RAI1: variants seen among roughly 807,000 people sequenced by gnomAD.
RAI1 encodes retinoic acid-induced protein 1.
In RAI1, 9 loss-of-function variants were observed where a neutral mutation model predicts 123.8. The observed-to-expected ratio is 0.07, with a 90% CI of 0.04 to 0.13. The LOEUF (loss-of-function observed/expected upper bound fraction) is 0.13. Ranked by LOEUF, RAI1 falls within the 10% of genes least tolerant of loss-of-function variation. The pLI is 1.00. For synonymous variants in RAI1, 1,231 were observed against 1,127.3 expected (o/e 1.09, Z -1.84); for missense variants, 2,256 against 2,545.8 (o/e 0.89, Z 2.45).
chr17:17,737,708 G>A, intron 2 of RAI1, among the ~76,000 whole-genome samples: 1 of 152,182 alleles, frequency 6.6e-6, no homozygotes, highest in East Asian at 1.9e-4. Flanking sequence ...TATTGCAGCA[G>A]ACAGATGGAG....
intron 1 of RAI1, 126 bp downstream of exon 1, chr17:17,681,919 C>G (rs1165781319): frequency 4.4e-6 from 1 of 226,266 alleles, no homozygotes; most frequent in African/African-American, 2.4e-5. Context: ...AGCGCGCGCG[C>G]TGGGTGGAGA....
chr17:17,687,327 T>C (rs1914676108), intron 1 of RAI1, among the ~76,000 whole-genome samples: 1 of 152,162 alleles, frequency 6.6e-6, no homozygotes. Flanking sequence ...CTTTCCTCTC[T>C]GGCCTCGGTC....
chr17:17,718,095 G>A (rs531952521), intron 1 of RAI1, among the ~76,000 whole-genome samples: 2 of 152,234 alleles, frequency 1.3e-5, no homozygotes, highest in Non-Finnish European at 2.9e-5. Flanking sequence ...GCAGACCCCA[G>A]CCCAGGGCAG....
rs1475568917 is a variant in RAI1, at chr17:17,795,709, T to C, written c.2761T>C (p.Ser921Pro). ...KAGWGSPCHL[S>P]GESVILLGPT... ...CGGCTGGGGCTCTCCGTGCCACCTC[T>C]CAGGGGAGTCCGTCATCCTGCTGGG... The change falls in exon 3 of 6, where the codon TCA (serine) becomes CCA (proline). Residue 921 changes from serine (S) to proline (P), a missense_variant. Around this residue, in one of 7 missense-constraint regions of RAI1, gnomAD observed 566 missense variants for 616.0 expected, o/e 0.92. Coordinates refer to ENST00000353383, the MANE Select transcript of RAI1 (RefSeq NM_030665.4). The surrounding 1 kb of genome is among the most constrained non-coding windows in gnomAD (Gnocchi z 5.9). The C allele has an allele frequency of 6.2e-7, 1 of 1,613,214 alleles. No homozygotes were observed. The highest frequency in any genetic ancestry group is 1.3e-5 in the African/African-American group (1 of 74,910).
chr17:17,714,010 G>A lies in RAI1; in HGVS notation c.-148-10018G>A, dbSNP rs1266497393. Among the ~76,000 whole-genome samples the A allele has an allele frequency of 6.6e-6, 1 of 152,104 alleles. No individual in the cohort carries two copies. The highest frequency in any genetic ancestry group is 1.5e-5 in the Non-Finnish European group (1 of 68,016). ...CCAGAGATCCCAGCGGCCCTCCCCTGGAGAGTGTCCCAGCCGCCCACGATG... is the reference window on the plus strand; with the variant it reads ...CCAGAGATCCCAGCGGCCCTCCCCTAGAGAGTGTCCCAGCCGCCCACGATG... On this transcript the variant is annotated intron_variant, in intron 1 of 5. Transcript: ENST00000353383. The surrounding 1 kb of genome is among the most constrained non-coding windows in gnomAD (Gnocchi z 4.9).
intron 1 of RAI1, among the ~76,000 whole-genome samples, chr17:17,700,188 A>G (rs1567830466): frequency 6.6e-6 from 1 of 152,204 alleles, no homozygotes; most frequent in Non-Finnish European, 1.5e-5. Context: ...GGGAAAGCAC[A>G]TCTGCTCTCT....
At chr17:17,792,219 T>C (rs1434073449) in intron 2 of RAI1, among the ~76,000 whole-genome samples, 1 of 152,180 alleles carries the variant, frequency 6.6e-6, no homozygotes, top group Non-Finnish European at 1.5e-5. Flanking sequence ...ACATTTTATG[T>C]CTACAGTGGC....
At chr17:17,705,504 C>G (rs1047385392) in intron 1 of RAI1, among the ~76,000 whole-genome samples, 3 of 152,090 alleles carry the variant, frequency 2.0e-5, no homozygotes, top group Non-Finnish European at 2.9e-5. Context: ...TGAGATCGTG[C>G]CATTGCACTC....
At position 17,793,434 on chromosome 17, in the gene RAI1, C is replaced by T. The variant is rs748628863; in HGVS notation, c.486C>T (p.Ala162=). 49 of 1,613,330 alleles carry T rather than the reference C, an allele frequency of 3.0e-5. No individual in the cohort carries two copies. In the South Asian group the frequency reaches 5.2e-4, roughly 17 times the overall value. The change falls in exon 3 of 6, where the codon GCC becomes GCT. Residue 162 remains alanine (A), a synonymous_variant. Transcript: ENST00000353383. ...GCAGGCAGTATGCAGAGCAGGGCGCCCAGGTGCCCTTTCGGACTCACTCCC... is the reference window on the plus strand; with the variant it reads ...GCAGGCAGTATGCAGAGCAGGGCGCTCAGGTGCCCTTTCGGACTCACTCCC... The part of the protein sequence containing the change: ...PPSRQYAEQG[A]QVPFRTHSLH...
intron 1 of RAI1, among the ~76,000 whole-genome samples, chr17:17,721,195 G>C (rs542167084): frequency 1.3e-5 from 2 of 152,270 alleles, no homozygotes; most frequent in Admixed American, 1.3e-4. Context: ...TTATCCAGGG[G>C]AACTGTTGGC....
rs1051425888 is a variant in RAI1 at position 17,714,492 on chromosome 17, G to T, written c.-148-9536G>T. ...GGCCAGGAGGGAATGATAATCATCAGTGCTAACATTTACGGAGGGCTTGTG... is the reference window on the plus strand; with the variant it reads ...GGCCAGGAGGGAATGATAATCATCATTGCTAACATTTACGGAGGGCTTGTG... On this transcript the variant is annotated intron_variant, in intron 1 of 5. Transcript: ENST00000353383. The surrounding 1 kb of genome is among the most constrained non-coding windows in gnomAD (Gnocchi z 4.9). Among the ~76,000 whole-genome samples the T allele has an allele frequency of 1.6e-4, 24 of 152,220 alleles. No homozygotes were observed. Among genetic ancestry groups the T allele is most frequent in the Non-Finnish European group, 3.2e-4 (22 of 68,044 alleles).
chr17:17,799,375 C>T lies in RAI1; in HGVS notation c.5565+862C>T, dbSNP rs2032379933. Among the ~76,000 whole-genome samples, 2 of 152,142 alleles carry T rather than the reference C, an allele frequency of 1.3e-5. No individual in the cohort carries two copies. Among genetic ancestry groups the T allele is most frequent in the African/African-American group, 2.4e-5 (1 of 41,418 alleles). On this transcript the variant is annotated intron_variant, in intron 3 of 5. Coordinates refer to ENST00000353383, the MANE Select transcript of RAI1 (RefSeq NM_030665.4). This position sits in a 1 kb window ranked among gnomAD's most constrained non-coding sequence, Gnocchi z 4.5. ...CTGGTGACAGCAGGGTGACGTTCTT[C>T]GTGGTGTCACCACTTCCCCAGTACC... is the stretch of plus-strand genomic sequence containing the variant.
chr17:17,746,634 CTTTTTTT>C (rs377692656), intron 2 of RAI1, among the ~76,000 whole-genome samples: 1 of 120,402 alleles, frequency 8.3e-6, no homozygotes, highest in African/African-American at 3.1e-5. Context: ...CTTTTCTTTT[CTTTTTTT>C]TTTTTTTTTT....
intron 2 of RAI1, among the ~76,000 whole-genome samples, chr17:17,762,710 G>A (rs796770126): frequency 3.9e-5 from 6 of 152,260 alleles, no homozygotes; most frequent in African/African-American, 1.4e-4. Flanking sequence ...CTTGTCGGGA[G>A]GGGCAGGTAG....
At position 17,792,147 on chromosome 17, in the gene RAI1, TATG is replaced by T. The variant is rs1382285354; in HGVS notation, c.-16-783_-16-781del. On this transcript the variant is annotated intron_variant, in intron 2 of 5. Coordinates refer to ENST00000353383, the MANE Select transcript of RAI1 (RefSeq NM_030665.4). ...GGGCCACGTAATCTGTTTATGCACG[TATG>T]ATATCAAAAACAGGAGGCAGGTGCT... Among the ~76,000 whole-genome samples the T allele has an allele frequency of 4.6e-5, 7 of 152,260 alleles. No homozygotes were observed. In the South Asian group the frequency reaches 1.4e-3, roughly 32 times the overall value.
At position 17,809,352 on chromosome 17, in the gene RAI1, A is replaced by G. The variant is rs1281941980; in HGVS notation, c.5660-38A>G. ...AAAACCCCACAGCTGTGGGGCCCCCACCCTGTCCTAACCACCGAAACTTCT... is the reference window on the plus strand; with the variant it reads ...AAAACCCCACAGCTGTGGGGCCCCCGCCCTGTCCTAACCACCGAAACTTCT... On this transcript the variant is annotated intron_variant, in intron 4 of 5. Transcript: ENST00000353383. The surrounding 1 kb of genome is among the most constrained non-coding windows in gnomAD (Gnocchi z 4.9). 1.3e-6 allele frequency: 2 copies of G among 1,570,296 alleles called. No individual in the cohort carries two copies. The highest frequency in any genetic ancestry group is 2.7e-5 in the African/African-American group (2 of 73,850).
chr17:17,734,920 C>G (rs1916380480), intron 2 of RAI1, among the ~76,000 whole-genome samples: 1 of 152,252 alleles, frequency 6.6e-6, no homozygotes, highest in Non-Finnish European at 1.5e-5. Context: ...CCTTTCCCAC[C>G]TGACATGGGG....
chr17:17,688,634 C>T (rs776006228), intron 1 of RAI1, among the ~76,000 whole-genome samples: 3 of 152,056 alleles, frequency 2.0e-5, no homozygotes, highest in Non-Finnish European at 4.4e-5. Context: ...CTCGCTCTGT[C>T]GCCCAGGCTG....
chr17:17,775,691 C>T (rs1408123934), intron 2 of RAI1, among the ~76,000 whole-genome samples: 4 of 151,882 alleles, frequency 2.6e-5, no homozygotes, highest in East Asian at 1.9e-4. Context: ...TCTTCATCCT[C>T]GCCGTCTTTG....
Sources: gnomAD v4.1 joint callset for allele counts (sites outside exome capture counted in the v4.1 genomes callset) on GRCh38, gnomAD v4.1.1 for gene constraint, gnomAD v4.1.1 regional missense constraint, Gnocchi (gnomAD v3.1) non-coding constraint, MANE v1.5 for transcripts, NCBI Gene and HGNC (gene_info 2026-07-23, HGNC 2026-07-21) for gene names.